Variants in TSPAN15 observed in about 807,000 individuals in gnomAD.
The protein encoded by TSPAN15 is tetraspanin-15.
In TSPAN15, 20 loss-of-function variants were observed where a neutral mutation model predicts 34.5. The observed-to-expected ratio is 0.58, with a 90% CI of 0.41 to 0.84. TSPAN15 has a LOEUF of 0.84. Among genes scored for constraint, TSPAN15 ranks in the 40% least tolerant of loss-of-function variants. The pLI is 0.00. For missense variants in TSPAN15, 313 were observed against 386.1 expected (o/e 0.81, Z 1.59); for synonymous variants, 155 against 153.9 (o/e 1.01, Z -0.05).
chr10:69,517,838 A>C, the TSPAN15 span, among the ~76,000 whole-genome samples: 8 of 152,314 alleles, frequency 5.3e-5, no homozygotes, highest in East Asian at 1.5e-3. Flanking sequence ...TGCCCTGTGG[A>C]AATAACTCTC....
chr10:69,544,816 G>T, the TSPAN15 span, among the ~76,000 whole-genome samples: 1 of 152,134 alleles, frequency 6.6e-6, no homozygotes, highest in Non-Finnish European at 1.5e-5. Context: ...CCTCCCCTTC[G>T]ACTCGGGAGG....
At chr10:69,482,993 G>T (rs1237618197) in intron 1 of TSPAN15, among the ~76,000 whole-genome samples, 10 of 151,370 alleles carry the variant, frequency 6.6e-5, no homozygotes, top group East Asian at 3.9e-4. Context: ...TGTTGTTGTT[G>T]TTTTTTGTTT....
intron 1 of TSPAN15, among the ~76,000 whole-genome samples, chr10:69,464,771 C>T (rs1464381175): frequency 6.6e-6 from 1 of 152,152 alleles, no homozygotes; most frequent in Non-Finnish European, 1.5e-5. Flanking sequence ...AACCAAGCCC[C>T]AAGCCACCCA....
rs1564618345 is a variant in TSPAN15, at chr10:69,506,890, ACT to A, written c.800_801del (p.Ser267CysfsTer3). ...CGGGTGGAGGACATCATCATGGAGC[ACT>A]CTGTCACTGATGGGCTCCTGGGGCC... On this transcript the variant is annotated frameshift_variant, in exon 8 of 8. Transcript: ENST00000373290. LOFTEE classifies it high-confidence loss of function. This position sits in a 1 kb window ranked among gnomAD's most constrained non-coding sequence, Gnocchi z 4.7. 1.2e-6 allele frequency: 2 copies of A among 1,606,204 alleles called. No individual in the cohort carries two copies. Among genetic ancestry groups the A allele is most frequent in the South Asian group, 2.2e-5 (2 of 88,926 alleles).
chr10:69,541,075 T>A, the TSPAN15 span, among the ~76,000 whole-genome samples: 3 of 152,022 alleles, frequency 2.0e-5, no homozygotes, highest in African/African-American at 7.3e-5. Flanking sequence ...TTTCCCAGAA[T>A]GATGGCAGAT....
chr10:69,479,489 T>C (rs1002447917), intron 1 of TSPAN15, among the ~76,000 whole-genome samples: 2 of 152,212 alleles, frequency 1.3e-5, no homozygotes, highest in African/African-American at 4.8e-5. Context: ...GCACGCACTT[T>C]CCCTCTTTGG....
At chr10:69,496,418 A>G (rs796565748) in intron 4 of TSPAN15, among the ~76,000 whole-genome samples, 3 of 151,808 alleles carry the variant, frequency 2.0e-5, no homozygotes, top group Admixed American at 6.6e-5. Flanking sequence ...TTGTACATCA[A>G]CTTCACTTGG....
intron 1 of TSPAN15, among the ~76,000 whole-genome samples, chr10:69,472,337 G>A (rs967761060): frequency 2.6e-5 from 4 of 152,098 alleles, no homozygotes; most frequent in Admixed American, 2.0e-4. Flanking sequence ...CCGTTCAAAC[G>A]TAACCTCCTC....
At chr10:69,464,501 A>G (rs548433741) in intron 1 of TSPAN15, among the ~76,000 whole-genome samples, 1 of 152,360 alleles carries the variant, frequency 6.6e-6, no homozygotes, top group East Asian at 1.9e-4. Flanking sequence ...TTCTGCAAGG[A>G]AAACCTAATG....
chr10:69,541,730 G>T, the TSPAN15 span, among the ~76,000 whole-genome samples: 2 of 152,248 alleles, frequency 1.3e-5, no homozygotes, highest in Non-Finnish European at 2.9e-5. Flanking sequence ...GCAGCTGCAG[G>T]TTCAACACCT....
the TSPAN15 span, among the ~76,000 whole-genome samples, chr10:69,549,413 A>G: frequency 6.6e-6 from 1 of 152,196 alleles, no homozygotes; most frequent in African/African-American, 2.4e-5. Flanking sequence ...GGTCTGGGGC[A>G]GGGATAATGG....
chr10:69,536,430 G>C, the TSPAN15 span, among the ~76,000 whole-genome samples: 7 of 152,200 alleles, frequency 4.6e-5, no homozygotes, highest in African/African-American at 2.4e-5. Context: ...CTGTCCCCAA[G>C]GGTTTCATAG....
chr10:69,451,894 C>G (rs1249288508), intron 1 of TSPAN15, among the ~76,000 whole-genome samples: 2 of 147,170 alleles, frequency 1.4e-5, no homozygotes, highest in Non-Finnish European at 3.1e-5. Context: ...GTGTGAGAGC[C>G]GGTTGTCGAC....
intron 1 of TSPAN15, among the ~76,000 whole-genome samples, chr10:69,453,441 CT>C (rs1468415473): frequency 6.6e-6 from 1 of 152,174 alleles, no homozygotes; most frequent in African/African-American, 2.4e-5. Context: ...TCTGTGAGCC[CT>C]TCTCTCTGTA....
the TSPAN15 span, among the ~76,000 whole-genome samples, chr10:69,549,255 T>G: frequency 6.6e-6 from 1 of 152,224 alleles, no homozygotes; most frequent in Non-Finnish European, 1.5e-5. Context: ...CTACTTTATC[T>G]ACTGTTATCA....
intron 5 of TSPAN15, 54 bp from the exon 6 acceptor site, chr10:69,504,384 C>A: frequency 1.3e-6 from 2 of 1,542,522 alleles, no homozygotes; most frequent in Non-Finnish European, 1.8e-6. Context: ...GATAATAGTG[C>A]CTTTTTGAGT....
chr10:69,460,929 G>C (rs1359642175), intron 1 of TSPAN15, among the ~76,000 whole-genome samples: 1 of 152,152 alleles, frequency 6.6e-6, no homozygotes, highest in South Asian at 2.1e-4. Flanking sequence ...TGGTTGGCGG[G>C]TGAGGAGAAG....
At chr10:69,539,562 G>GAA in the TSPAN15 span, among the ~76,000 whole-genome samples, 116 of 114,910 alleles carry the variant, frequency 1.0e-3, 11 homozygotes, top group African/African-American at 3.4e-3. Context: ...AGAAGGAGAA[G>GAA]GAGAAGAAGA....
chr10:69,512,351 A>G (rs772374945), downstream of TSPAN15, among the ~76,000 whole-genome samples: 4 of 152,220 alleles, frequency 2.6e-5, no homozygotes, highest in Non-Finnish European at 5.9e-5. Context: ...ATTTGTTAAT[A>G]ATTATTTTTT....
Sources: gnomAD v4.1 joint callset for allele counts (sites outside exome capture counted in the v4.1 genomes callset) on GRCh38, gnomAD v4.1.1 for gene constraint, Gnocchi (gnomAD v3.1) non-coding constraint, MANE v1.5 for transcripts, NCBI Gene and HGNC (gene_info 2026-07-23, HGNC 2026-07-21) for gene names.